The following WWOX variants were observed in gnomAD, a reference collection of about 807,000 sequenced individuals.
WWOX encodes WW domain-containing oxidoreductase.
In WWOX, 69 loss-of-function variants were observed where a neutral mutation model predicts 46.2. That is an observed-to-expected ratio of 1.49 (90% CI 1.23 to 1.82). The LOEUF (loss-of-function observed/expected upper bound fraction) is 1.82. Among genes scored for constraint, WWOX ranks in the 40% most tolerant of loss-of-function variants. WWOX has a pLI of 0.00. For synonymous variants in WWOX, 359 were observed against 202.6 expected (o/e 1.77, Z -6.56); for missense variants, 919 against 542.6 (o/e 1.69, Z -6.89).
chr16:79,002,342 G>C (rs1269661400), intron 8 of WWOX, among the ~76,000 whole-genome samples: 2 of 146,218 alleles, frequency 1.4e-5, no homozygotes, highest in Non-Finnish European at 3.0e-5. Flanking sequence ...TCCTGCCTCA[G>C]CCTCCTGAGT....
intron 8 of WWOX, among the ~76,000 whole-genome samples, chr16:78,473,518 C>T (rs965340165): frequency 6.6e-6 from 1 of 152,270 alleles, no homozygotes; most frequent in Middle Eastern, 3.4e-3. Flanking sequence ...GACCGACTGG[C>T]CCTCTCAGAC....
chr16:78,508,386 C>G (rs376661917), intron 8 of WWOX, among the ~76,000 whole-genome samples: 5 of 139,872 alleles, frequency 3.6e-5, no homozygotes, highest in Admixed American at 3.0e-4. Context: ...TATGCGTGGC[C>G]GAAGACAATT....
At chr16:78,669,103 C>G (rs759577231) in intron 8 of WWOX, among the ~76,000 whole-genome samples, 1 of 152,048 alleles carries the variant, frequency 6.6e-6, no homozygotes, top group African/African-American at 2.4e-5. Context: ...ATGGATAAGC[C>G]AAAACCACCT....
intron 8 of WWOX, among the ~76,000 whole-genome samples, chr16:79,071,283 A>G (rs927236073): frequency 1.3e-5 from 2 of 152,186 alleles, no homozygotes; most frequent in South Asian, 2.1e-4. Context: ...CAACCTGACA[A>G]TGACTTTTTT....
intron 8 of WWOX, among the ~76,000 whole-genome samples, chr16:79,120,953 G>C (rs1597392827): frequency 6.6e-6 from 1 of 152,180 alleles, no homozygotes; most frequent in African/African-American, 2.4e-5. Flanking sequence ...ATTTTTAGTA[G>C]AGACGAGGTT....
At chr16:78,373,094 C>CT (rs1186376447) in intron 5 of WWOX, among the ~76,000 whole-genome samples, 1 of 152,048 alleles carries the variant, frequency 6.6e-6, no homozygotes, top group East Asian at 1.9e-4. Context: ...CTGGACAATG[C>CT]TTTTTTTCAG....
At chr16:78,244,120 T>C (rs1434504249) in intron 5 of WWOX, among the ~76,000 whole-genome samples, 3 of 152,204 alleles carry the variant, frequency 2.0e-5, no homozygotes, top group Non-Finnish European at 2.9e-5. Flanking sequence ...GTTTTCTGCC[T>C]GTGCAATGGT....
In WWOX at chr16:78,432,730, C is replaced by A. The variant is rs746896545; in HGVS notation, c.1034C>A (p.Ala345Glu). 1 of 1,614,158 alleles carries A rather than the reference C, an allele frequency of 6.2e-7. No individual in the cohort carries two copies. The highest frequency in any genetic ancestry group is 1.1e-5 in the South Asian group (1 of 91,084). The change falls in exon 8 of 9, where the codon GCG (alanine) becomes GAG (glutamate). Residue 345 changes from alanine to glutamate, a missense_variant. Physicochemically the swap from Ala to Glu is moderately radical, Grantham distance 107 (BLOSUM62 -1). Transcript: ENST00000566780. ...WWVYTLLFTLARPFTKSMQQG... is the reference protein window; with the variant it reads ...WWVYTLLFTLERPFTKSMQQG... Reference sequence around the variant, plus strand: ...GTGTACACACTGCTGTTTACCTTGGCGAGGCCTTTCACCAAGTCCATGGTA... The same window carrying A: ...GTGTACACACTGCTGTTTACCTTGGAGAGGCCTTTCACCAAGTCCATGGTA...
intron 8 of WWOX, among the ~76,000 whole-genome samples, chr16:78,820,521 C>G (rs1008957641): frequency 1.3e-5 from 2 of 152,098 alleles, no homozygotes; most frequent in Non-Finnish European, 2.9e-5. Flanking sequence ...CCATTGCCCA[C>G]TAAGAAAATT....
At chr16:78,470,529 C>CATGT (rs1223583057) in intron 8 of WWOX, among the ~76,000 whole-genome samples, 4 of 152,104 alleles carry the variant, frequency 2.6e-5, no homozygotes, top group South Asian at 2.1e-4. Context: ...TGTATGTATG[C>CATGT]ATGTATGTAT....
At chr16:78,809,375 A>G (rs756136125) in intron 8 of WWOX, among the ~76,000 whole-genome samples, 1 of 151,662 alleles carries the variant, frequency 6.6e-6, no homozygotes, top group Non-Finnish European at 1.5e-5. Context: ...CATTTTTCGA[A>G]TGAAAACTTT....
intron 8 of WWOX, among the ~76,000 whole-genome samples, chr16:78,879,461 C>T (rs1163737043): frequency 1.3e-5 from 2 of 152,092 alleles, no homozygotes; most frequent in Non-Finnish European, 2.9e-5. Flanking sequence ...GCTCTCACTT[C>T]CCCAAACATG....
At chr16:78,694,445 A>C (rs1251153039) in intron 8 of WWOX, among the ~76,000 whole-genome samples, 1 of 152,126 alleles carries the variant, frequency 6.6e-6, no homozygotes, top group Admixed American at 6.5e-5. Context: ...AGCAGCCTCC[A>C]CTGAGAAGCG....
intron 8 of WWOX, among the ~76,000 whole-genome samples, chr16:78,803,602 C>T (rs1156989979): frequency 6.6e-6 from 1 of 152,050 alleles, no homozygotes; most frequent in Non-Finnish European, 1.5e-5. Context: ...CATATACCAC[C>T]ATACCTGGAC....
intron 8 of WWOX, among the ~76,000 whole-genome samples, chr16:78,547,989 T>TA (rs2151538180): frequency 6.6e-6 from 1 of 151,982 alleles, no homozygotes; most frequent in South Asian, 2.1e-4. Context: ...CCGTCTTTTC[T>TA]AAAAACATTT....
intron 8 of WWOX, among the ~76,000 whole-genome samples, chr16:78,709,380 C>T (rs571483860): frequency 1.3e-5 from 2 of 152,326 alleles, no homozygotes; most frequent in Admixed American, 1.3e-4. Context: ...CGATTCTCGG[C>T]CATTCCGGTT....
intron 8 of WWOX, among the ~76,000 whole-genome samples, chr16:78,755,449 C>G (rs980636300): frequency 2.6e-5 from 4 of 151,588 alleles, no homozygotes; most frequent in African/African-American, 7.3e-5. Context: ...TCTTGTGATA[C>G]TGATTAATTT....
intron 5 of WWOX, among the ~76,000 whole-genome samples, chr16:78,381,698 A>AT (rs2081959852): frequency 6.6e-6 from 1 of 152,228 alleles, no homozygotes; most frequent in South Asian, 2.1e-4. Context: ...GCATTTCAAG[A>AT]TTCAGTGATC....
chr16:78,721,023 A>T (rs2048676804), intron 8 of WWOX, among the ~76,000 whole-genome samples: 1 of 152,108 alleles, frequency 6.6e-6, no homozygotes, highest in Non-Finnish European at 1.5e-5. Context: ...TACTATTGCC[A>T]ACTCCTGCAT....
Sources: gnomAD v4.1 joint callset for allele counts (sites outside exome capture counted in the v4.1 genomes callset) on GRCh38, gnomAD v4.1.1 for gene constraint, MANE v1.5 for transcripts, NCBI Gene and HGNC (gene_info 2026-07-23, HGNC 2026-07-21) for gene names.